Variants in DDX59 observed in about 807,000 individuals in gnomAD.
The protein encoded by DDX59 is probable ATP-dependent RNA helicase DDX59.
A neutral mutation model predicts 51.9 loss-of-function variants in DDX59; 30 were observed. The ratio of observed to expected loss-of-function variants is 0.58; its 90% CI spans 0.43 to 0.78. DDX59 has a LOEUF of 0.78. Ranked by LOEUF, DDX59 falls within the 30% of genes least tolerant of loss-of-function variation. The pLI is 0.00. For missense variants in DDX59, 672 were observed against 730.8 expected, an observed-to-expected ratio of 0.92 and a Z score of 0.93; for synonymous variants, 255 against 253.3, an observed-to-expected ratio of 1.01 and a Z score of -0.06.
Position 200,666,241 on chromosome 1 carries a change from A to T in DDX59, c.500T>A (p.Val167Asp), listed in dbSNP as rs1209687190. ...EPESPLNASY[V>D]YKEHPFILNL... ...CAAAATAAAGGGGTGCTCTTTGTAG[A>T]CATAGGAAGCATTCAGTGGAGACTC... Residue 167 changes from valine to aspartate, a missense_variant, in exon 2 of 8, where the codon GTC (valine) becomes GAC (aspartate). Coordinates refer to ENST00000331314, the MANE Select transcript of DDX59 (RefSeq NM_001031725.6). 7 of 1,614,108 alleles carry T rather than the reference A, an allele frequency of 4.3e-6. No individual in the cohort carries two copies. The highest frequency in any genetic ancestry group is 5.9e-6 in the Non-Finnish European group (7 of 1,180,048).
rs1411929999 is a variant in DDX59 at position 200,668,070 on chromosome 1, G to A, written c.-11-1319C>T. ...TCCTAGCACTTTGGGAGGCCGAGGC[G>A]GGCGGATCACGAGGTCAGGAGATCA... On this transcript the variant is annotated intron_variant, in intron 1 of 7. Coordinates refer to ENST00000331314, the MANE Select transcript of DDX59 (RefSeq NM_001031725.6). Among the ~76,000 whole-genome samples the A allele has an allele frequency of 3.9e-5, 6 of 152,138 alleles. No individual in the cohort carries two copies. In the East Asian group the frequency reaches 7.7e-4, roughly 20 times the overall value.
chr1:200,653,071 A>G (rs1661771744), intron 4 of DDX59, among the ~76,000 whole-genome samples: 1 of 152,160 alleles, frequency 6.6e-6, no homozygotes, highest in Admixed American at 6.5e-5. Context: ...GGGGAGCCCC[A>G]TGGGCTGGGT....
At chr1:200,666,787 CA>C in intron 1 of DDX59, 36 bp from the exon 2 acceptor site, 1 of 1,553,808 alleles carries the variant, frequency 6.4e-7, no homozygotes, top group Non-Finnish European at 8.7e-7. Context: ...TTTATTGTAC[CA>C]TTAATAAAGT....
chr1:200,667,152 C>A (rs145329327), intron 1 of DDX59, among the ~76,000 whole-genome samples: 5,127 of 151,944 alleles, frequency 0.034, 94 homozygotes, highest in Middle Eastern at 0.048. Context: ...CACCTGTAAT[C>A]CCAGCACTTT....
intron 6 of DDX59, 134 bp from the exon 7 acceptor site, chr1:200,648,701 T>C (rs2102848569): frequency 2.9e-6 from 3 of 1,035,430 alleles, no homozygotes; most frequent in Non-Finnish European, 4.1e-6. Flanking sequence ...GTAAAGGTCA[T>C]AGTATACCTG....
intron 7 of DDX59, among the ~76,000 whole-genome samples, chr1:200,645,265 T>C (rs998034689): frequency 3.3e-5 from 5 of 152,190 alleles, no homozygotes; most frequent in Non-Finnish European, 4.4e-5. Context: ...TACTAAATCA[T>C]CTTTGCATAA....
At chr1:200,648,829 T>C (rs1052945646) in intron 6 of DDX59, among the ~76,000 whole-genome samples, 1 of 152,214 alleles carries the variant, frequency 6.6e-6, no homozygotes, top group African/African-American at 2.4e-5. Flanking sequence ...ACTGACCTGA[T>C]TTCAGAAATG....
In DDX59 at chr1:200,646,067, G is replaced by A. The variant is rs1234770066; in HGVS notation, c.1597-1550C>T. Among the ~76,000 whole-genome samples, 3 of 152,320 alleles carry A rather than the reference G, an allele frequency of 2.0e-5. No individual in the cohort carries two copies. In the East Asian group the frequency reaches 5.8e-4, roughly 29 times the overall value. On this transcript the variant is annotated intron_variant, in intron 7 of 7. Transcript: ENST00000331314. The stretch of plus-strand genomic sequence containing the variant: ...AAGTAGCTTCAGGCTGGACATGGCG[G>A]CTCATGCCTATAATCCCAGCATTTT...
intron 3 of DDX59, among the ~76,000 whole-genome samples, chr1:200,660,043 T>C (rs1225861829): frequency 1.3e-5 from 2 of 152,240 alleles, no homozygotes; most frequent in Non-Finnish European, 2.9e-5. Context: ...ACATCTCCCC[T>C]GTGCTTCTAA....
At chr1:200,667,221 G>A (rs1662826043) in intron 1 of DDX59, among the ~76,000 whole-genome samples, 1 of 151,770 alleles carries the variant, frequency 6.6e-6, no homozygotes, top group Admixed American at 6.6e-5. Flanking sequence ...TGGCCAATAT[G>A]GTGAAACCCC....
chr1:200,650,347 T>G, intron 5 of DDX59, 78 bp downstream of exon 5: 2 of 1,429,184 alleles, frequency 1.4e-6, no homozygotes, highest in South Asian at 3.0e-5. Context: ...GAAAGTTCAA[T>G]CTCAAAATCA....
intron 4 of DDX59, among the ~76,000 whole-genome samples, chr1:200,653,160 G>C (rs1661778124): frequency 6.6e-6 from 1 of 152,190 alleles, no homozygotes; most frequent in Non-Finnish European, 1.5e-5. Context: ...TATCATGCAT[G>C]CATCAAAGAC....
chr1:200,659,378 T>A (rs571028287), intron 3 of DDX59, among the ~76,000 whole-genome samples: 18 of 152,172 alleles, frequency 1.2e-4, no homozygotes, highest in South Asian at 6.2e-4. Flanking sequence ...AACACACAGG[T>A]CAAACCTAAA....
chr1:200,644,198 CATA>C lies in DDX59; in HGVS notation c.*53_*55del, dbSNP rs2102825975. ...CATGTACATTTCCATTTATGCAAACCATAATTTTTTGCTGACTATATACAATAA... is the reference window on the plus strand; with the variant it reads ...CATGTACATTTCCATTTATGCAAACCATTTTTTGCTGACTATATACAATAA... On this transcript the variant is annotated 3_prime_UTR_variant, in exon 8 of 8. Coordinates refer to ENST00000331314, the MANE Select transcript of DDX59 (RefSeq NM_001031725.6). The C allele has an allele frequency of 7.8e-7, 1 of 1,282,332 alleles. No individual in the cohort carries two copies. The highest frequency in any genetic ancestry group is 1.0e-6 in the Non-Finnish European group (1 of 995,314). The allele number at this position is 1,282,332 out of a possible 1,614,324, so 79.4% of individuals were successfully genotyped here. A position where few individuals can be genotyped will look rare whatever the true frequency, so the allele number is the denominator to read the frequency against.
intron 4 of DDX59, chr1:200,655,207 T>A (rs1661940371): frequency 6.6e-6 from 1 of 152,202 alleles, no homozygotes; most frequent in Non-Finnish European, 1.5e-5. Context: ...TGCTCATTTG[T>A]CCTTTTTAAA....
intron 3 of DDX59, 72 bp downstream of exon 3, chr1:200,663,846 AG>A (rs570983248): frequency 7.3e-7 from 1 of 1,366,262 alleles, no homozygotes; most frequent in Non-Finnish European, 9.6e-7. Context: ...AAATTCTTCA[AG>A]GGGAAAAAAA....
downstream of DDX59, chr1:200,641,092 G>A: frequency 9.2e-7 from 1 of 1,088,998 alleles, no homozygotes; most frequent in Non-Finnish European, 1.3e-6. Flanking sequence ...CAGTTTACTG[G>A]TGGCTGCCAG....
At chr1:200,653,203 C>T (rs1256839205) in intron 4 of DDX59, among the ~76,000 whole-genome samples, 1 of 152,224 alleles carries the variant, frequency 6.6e-6, no homozygotes, top group African/African-American at 2.4e-5. Context: ...ACAACTGCTT[C>T]CCCGAACTCA....
intron 5 of DDX59, among the ~76,000 whole-genome samples, chr1:200,650,210 A>T (rs911628089): frequency 2.6e-5 from 4 of 152,192 alleles, no homozygotes; most frequent in Non-Finnish European, 5.9e-5. Context: ...ATATAATTCT[A>T]TAAGGAAAAG....
Sources: allele counts gnomAD v4.1 joint callset (sites outside exome capture counted in the v4.1 genomes callset), GRCh38; gene constraint gnomAD v4.1.1; transcripts MANE v1.5; gene names NCBI Gene and HGNC (gene_info 2026-07-23, HGNC 2026-07-21).